The following CACNA1C variants were observed in gnomAD, a reference collection of about 807,000 sequenced individuals.
The protein encoded by CACNA1C is calcium voltage-gated channel subunit alpha1 C, also known as voltage-dependent L-type calcium channel subunit alpha-1C.
In CACNA1C, 30 loss-of-function variants were observed where a neutral mutation model predicts 229.0. The observed-to-expected ratio is 0.13, with a 90% CI of 0.10 to 0.18. CACNA1C has a LOEUF of 0.18. Ranked by LOEUF, CACNA1C falls within the 10% of genes least tolerant of loss-of-function variation. The probability of loss-of-function intolerance (pLI) is 1.00; values close to 1 mark genes in which losing one functional copy is unlikely to be tolerated. For synonymous variants in CACNA1C, 1,114 were observed against 1,132.5 expected, an observed-to-expected ratio of 0.98 and a Z score of 0.33; for missense variants, 1,658 against 2,845.0, an observed-to-expected ratio of 0.58 and a Z score of 9.49.
At chr12:2,356,068 T>C (rs2097353357) in intron 3 of CACNA1C, among the ~76,000 whole-genome samples, 1 of 152,196 alleles carries the variant, frequency 6.6e-6, no homozygotes, top group South Asian at 2.1e-4. Context: ...TTTAGTTAAA[T>C]GGAATCAAAT....
At position 2,493,258 on chromosome 12, in the gene CACNA1C, G is replaced by A. The variant is rs786205744; in HGVS notation, c.985G>A (p.Gly329Ser). The change falls in exon 7 of 47, where the codon GGC becomes AGC. Residue 329 changes from glycine to serine, a missense_variant. Gly to Ser is a moderately conservative substitution (Grantham distance 56). Coordinates refer to ENST00000399655, the MANE Select transcript of CACNA1C (RefSeq NM_000719.7). This position sits in a 1 kb window ranked among gnomAD's most constrained non-coding sequence, Gnocchi z 4.6. ...GGGCCACGGGCGGCAGTGCCAGAACGGCACGGTGTGCAAGCCCGGCTGGGA... is the reference window on the plus strand; with the variant it reads ...GGGCCACGGGCGGCAGTGCCAGAACAGCACGGTGTGCAAGCCCGGCTGGGA... The part of the protein sequence containing the change: ...ETGHGRQCQN[G>S]TVCKPGWDGP... The A allele has an allele frequency of 3.7e-6, 6 of 1,614,044 alleles. No homozygotes were observed. The highest frequency in any genetic ancestry group is 2.7e-5 in the African/African-American group (2 of 75,066).
At chr12:2,552,759 C>T (rs1007599161) in intron 10 of CACNA1C, among the ~76,000 whole-genome samples, 7 of 152,006 alleles carry the variant, frequency 4.6e-5, no homozygotes, top group East Asian at 1.9e-4. Context: ...TCTTGGGAGT[C>T]GGTCTCAGTG....
At chr12:2,482,741 A>T (rs2099681261) in intron 5 of CACNA1C, among the ~76,000 whole-genome samples, 1 of 152,162 alleles carries the variant, frequency 6.6e-6, no homozygotes, top group East Asian at 1.9e-4. Context: ...CCACCTTCAG[A>T]TAAGCCTGTT....
intron 13 of CACNA1C, among the ~76,000 whole-genome samples, chr12:2,569,586 G>T (rs1018349583): frequency 6.6e-6 from 1 of 152,156 alleles, no homozygotes; most frequent in African/African-American, 2.4e-5. Flanking sequence ...TTAGAATAAT[G>T]TTTTCAAGGG....
intron 3 of CACNA1C, among the ~76,000 whole-genome samples, chr12:2,249,224 G>A (rs1471666624): frequency 1.3e-5 from 2 of 152,166 alleles, no homozygotes; most frequent in East Asian, 1.9e-4. Context: ...ATGAAGTGAC[G>A]TATACTTCAC....
intron 3 of CACNA1C, among the ~76,000 whole-genome samples, chr12:2,172,614 TTAAGA>T (rs575338876): frequency 5.3e-4 from 80 of 152,332 alleles, no homozygotes; most frequent in Non-Finnish European, 1.0e-3. Flanking sequence ...GCATCCAACG[TTAAGA>T]TAAGGCTCCC....
intron 9 of CACNA1C, among the ~76,000 whole-genome samples, chr12:2,540,522 G>A (rs1414122574): frequency 6.6e-6 from 1 of 152,070 alleles, no homozygotes; most frequent in Non-Finnish European, 1.5e-5. Context: ...GGCTTTGCAG[G>A]CCACACAGAG....
Position 2,656,763 on chromosome 12 carries a change from G to A in CACNA1C, c.4232+1525G>A, listed in dbSNP as rs2153675418. ...GAGCAATGGCTCAGGAGAGAAACCT[G>A]AGAAATAAACCCACTCATTTACAGC... On this transcript the variant is annotated intron_variant, in intron 34 of 46. Transcript: ENST00000399655. Among the ~76,000 whole-genome samples the A allele has an allele frequency of 1.3e-5, 2 of 152,240 alleles. 1 individual carries two copies.
chr12:2,146,753 C>A lies in CACNA1C; in HGVS notation c.477+26323C>A, dbSNP rs1267221643. On this transcript the variant is annotated intron_variant, in intron 3 of 46. Transcript: ENST00000399655. The stretch of plus-strand genomic sequence containing the variant: ...GGGCAGAGCGTCACACAACCAAACT[C>A]GCGTAGCCTTCTTCACCCTTTCCCC... Among the ~76,000 whole-genome samples the A allele has an allele frequency of 1.3e-5, 2 of 151,284 alleles. 1 individual carries two copies. The highest frequency in any genetic ancestry group is 3.0e-5 in the Non-Finnish European group (2 of 67,650).
intron 3 of CACNA1C, among the ~76,000 whole-genome samples, chr12:2,273,450 G>C (rs1409195516): frequency 1.3e-5 from 2 of 152,136 alleles, no homozygotes; most frequent in Non-Finnish European, 2.9e-5. Context: ...GAAGTACAGG[G>C]CTGGCAGAGA....
chr12:2,283,957 G>T (rs1268593450), intron 3 of CACNA1C, among the ~76,000 whole-genome samples: 1 of 152,176 alleles, frequency 6.6e-6, no homozygotes, highest in Non-Finnish European at 1.5e-5. Context: ...TCCAAGATCC[G>T]GGAGCTGGAT....
At position 2,405,589 on chromosome 12, in the gene CACNA1C, G is replaced by A. The variant is rs114511637; in HGVS notation, c.478-43387G>A. Among the ~76,000 whole-genome samples, 1,386 of 152,064 alleles carry A rather than the reference G, an allele frequency of 9.1e-3. 20 individuals carry two copies. The highest frequency in any genetic ancestry group is 0.031 in the African/African-American group (1,291 of 41,446). ...CTAGTGTTTTTGAGTATATCTCTTC[G>A]TGTAGCTGTTTTGTGGTTGCTCTAA... On this transcript the variant is annotated intron_variant, in intron 3 of 46. Coordinates refer to ENST00000399655, the MANE Select transcript of CACNA1C (RefSeq NM_000719.7).
rs917907328 is a variant in CACNA1C, at chr12:2,146,962, TC to T, written c.477+26534del. ...AGAGGGGAAGGACAGCCTGAGCCCTTCCAGACACAGGCAAAGGAGAGAGGAC... is the reference window on the plus strand; with the variant it reads ...AGAGGGGAAGGACAGCCTGAGCCCTTCAGACACAGGCAAAGGAGAGAGGAC... On this transcript the variant is annotated intron_variant, in intron 3 of 46. Transcript: ENST00000399655. 1.6e-4 allele frequency among the ~76,000 whole-genome samples: 24 copies of T among 150,834 alleles called. 1 individual carries two copies. Among genetic ancestry groups the T allele is most frequent in the Admixed American group, 1.2e-3 (18 of 15,004 alleles).
intron 18 of CACNA1C, among the ~76,000 whole-genome samples, chr12:2,591,186 T>C (rs2065135556): frequency 6.6e-6 from 1 of 152,238 alleles, no homozygotes; most frequent in Non-Finnish European, 1.5e-5. Context: ...TGCTTTTTGC[T>C]TGATAAAGAA....
intron 3 of CACNA1C, among the ~76,000 whole-genome samples, chr12:2,397,462 G>A (rs1302338945): frequency 6.6e-6 from 1 of 152,252 alleles, no homozygotes; most frequent in Non-Finnish European, 1.5e-5. Context: ...CTAGGAGCAA[G>A]TCAGGTAAGC....
chr12:2,135,983 A>C (rs2093415561), intron 3 of CACNA1C, among the ~76,000 whole-genome samples: 1 of 150,128 alleles, frequency 6.7e-6, no homozygotes, highest in Non-Finnish European at 1.5e-5. Flanking sequence ...GGACCCTCCG[A>C]GCCAGGTGTG....
intron 1 of CACNA1C, among the ~76,000 whole-genome samples, chr12:2,084,523 G>T (rs899615280): frequency 1.3e-5 from 2 of 151,914 alleles, no homozygotes; most frequent in Admixed American, 1.3e-4. Context: ...CTTTACCCAC[G>T]TTCTCCCGTG....
At chr12:2,580,492 T>TGGGCCAGAGG (rs1309297428) in intron 13 of CACNA1C, among the ~76,000 whole-genome samples, 1 of 152,176 alleles carries the variant, frequency 6.6e-6, no homozygotes, top group African/African-American at 2.4e-5. Flanking sequence ...AGGAGGCAGG[T>TGGGCCAGAGG]GGGCCAGAGG....
intron 3 of CACNA1C, among the ~76,000 whole-genome samples, chr12:2,268,796 C>T (rs934550775): frequency 6.6e-6 from 1 of 152,140 alleles, no homozygotes; most frequent in Non-Finnish European, 1.5e-5. Flanking sequence ...TGATTTAGTT[C>T]CGGAAGAGGC....
Sources: gnomAD v4.1 joint callset for allele counts (sites outside exome capture counted in the v4.1 genomes callset) on GRCh38, gnomAD v4.1.1 for gene constraint, Gnocchi (gnomAD v3.1) non-coding constraint, MANE v1.5 for transcripts, NCBI Gene and HGNC (gene_info 2026-07-23, HGNC 2026-07-21) for gene names.